CA8: variants seen among roughly 807,000 people sequenced by gnomAD.
CA8 encodes carbonic anhydrase-related protein.
A neutral mutation model predicts 41.4 loss-of-function variants in CA8; 22 were observed. That is an observed-to-expected ratio of 0.53 (90% CI 0.38 to 0.76). The LOEUF (loss-of-function observed/expected upper bound fraction) is 0.76. CA8 is among the 30% of genes least tolerant of loss of function. CA8 has a pLI of 0.00. For synonymous variants in CA8, 121 were observed against 130.6 expected (o/e 0.93, Z 0.50); for missense variants, 270 against 352.8 (o/e 0.77, Z 1.88).
chr8:60,262,838 C>T (rs186462912), intron 3 of CA8, among the ~76,000 whole-genome samples: 429 of 152,304 alleles, frequency 2.8e-3, no homozygotes, highest in African/African-American at 1.0e-2. Flanking sequence ...ATGTGTGTTT[C>T]TGAAACCTAC....
At chr8:60,245,563 G>A (rs1808199915) in intron 3 of CA8, among the ~76,000 whole-genome samples, 1 of 152,186 alleles carries the variant, frequency 6.6e-6, no homozygotes, top group Admixed American at 6.5e-5. Flanking sequence ...GCTGAGATTT[G>A]TGTAAGACTC....
chr8:60,202,496 T>C (rs1585846124), intron 8 of CA8, among the ~76,000 whole-genome samples: 1 of 152,218 alleles, frequency 6.6e-6, no homozygotes, highest in South Asian at 2.1e-4. Context: ...AAACAAATTA[T>C]TATTACTACT....
chr8:60,192,937 G>GCACACACACACA (rs377257462), intron 8 of CA8, among the ~76,000 whole-genome samples: 91 of 140,766 alleles, frequency 6.5e-4, no homozygotes, highest in East Asian at 1.3e-3. Context: ...TCAACATCAT[G>GCACACACACACA]CACACACACA....
intron 8 of CA8, among the ~76,000 whole-genome samples, chr8:60,192,877 T>C (rs1806169001): frequency 6.6e-6 from 1 of 151,808 alleles, no homozygotes; most frequent in African/African-American, 2.4e-5. Context: ...TTCAGTATTA[T>C]GTATAAATTT....
rs1419490452 is a variant in CA8 at position 60,281,296 on chromosome 8, C to G, written c.-149G>C. ...TGCGAGAGCGCCTCCGGGTGTGAAC[C>G]GCAGTGTGAGTGCAAGCAGGCGTGC... On this transcript the variant is annotated 5_prime_UTR_variant, in exon 1 of 9. Transcript: ENST00000317995. 3 of 644,990 alleles carry G rather than the reference C, an allele frequency of 4.7e-6. No individual in the cohort carries two copies. The highest frequency in any genetic ancestry group is 8.3e-6 in the Non-Finnish European group (3 of 362,792). 40.0% of individuals were successfully genotyped at this position (644,990 alleles called of 1,614,324 possible).
At chr8:60,259,949 G>A (rs1274386444) in intron 3 of CA8, among the ~76,000 whole-genome samples, 2 of 152,078 alleles carry the variant, frequency 1.3e-5, no homozygotes, top group African/African-American at 4.8e-5. Context: ...TCAAAATAAT[G>A]AGACTTTCCA....
At chr8:60,236,232 G>T (rs1807825241) in intron 3 of CA8, among the ~76,000 whole-genome samples, 1 of 152,176 alleles carries the variant, frequency 6.6e-6, no homozygotes, top group Non-Finnish European at 1.5e-5. Flanking sequence ...CAAGGGAGAA[G>T]GAATTCTGCC....
intron 3 of CA8, among the ~76,000 whole-genome samples, chr8:60,240,812 C>A (rs1364155502): frequency 6.6e-6 from 1 of 152,064 alleles, no homozygotes; most frequent in Non-Finnish European, 1.5e-5. Context: ...CCCACCCAGG[C>A]TCTGCCACAC....
intron 8 of CA8, among the ~76,000 whole-genome samples, chr8:60,193,139 TTTG>T (rs1464543728): frequency 1.3e-5 from 2 of 152,128 alleles, no homozygotes; most frequent in Admixed American, 6.6e-5. Flanking sequence ...TGCACAACAT[TTTG>T]TTTTCTCTGG....
intron 1 of CA8, 29 bp from the exon 2 acceptor site, chr8:60,279,909 C>T (rs1385955523): frequency 3.8e-6 from 6 of 1,558,868 alleles, no homozygotes; most frequent in Non-Finnish European, 5.2e-6. Flanking sequence ...AAATTAAAAA[C>T]AGGTTAAAAA....
At chr8:60,253,081 A>C (rs1808506673) in intron 3 of CA8, among the ~76,000 whole-genome samples, 2 of 152,026 alleles carry the variant, frequency 1.3e-5, no homozygotes, top group African/African-American at 4.8e-5. Flanking sequence ...AAATAAAAAA[A>C]AAAATTAGCC....
chr8:60,260,763 A>G (rs1321917004), intron 3 of CA8, among the ~76,000 whole-genome samples: 1 of 152,198 alleles, frequency 6.6e-6, no homozygotes, highest in African/African-American at 2.4e-5. Flanking sequence ...TCTAATCTTC[A>G]GAATGTTCAC....
intron 3 of CA8, among the ~76,000 whole-genome samples, chr8:60,244,362 G>A (rs543307710): frequency 1.3e-5 from 2 of 152,270 alleles, no homozygotes; most frequent in South Asian, 4.1e-4. Flanking sequence ...TGCTCATCAG[G>A]TGCTCCTATC....
chr8:60,255,553 G>C (rs1012969828), intron 3 of CA8, among the ~76,000 whole-genome samples: 4 of 152,224 alleles, frequency 2.6e-5, no homozygotes, highest in African/African-American at 9.7e-5. Context: ...AGAGGTTTAA[G>C]TGATTCATTA....
intron 3 of CA8, among the ~76,000 whole-genome samples, chr8:60,255,574 A>G (rs1808608108): frequency 6.6e-6 from 1 of 152,250 alleles, no homozygotes; most frequent in African/African-American, 2.4e-5. Flanking sequence ...AGCTGAGTTT[A>G]GAGAATTTAC....
chr8:60,238,411 A>G (rs561369067), intron 3 of CA8, among the ~76,000 whole-genome samples: 1 of 152,330 alleles, frequency 6.6e-6, no homozygotes, highest in Non-Finnish European at 1.5e-5. Context: ...ATTCTGTGAC[A>G]TCTCCTAACT....
chr8:60,234,327 G>A (rs146960439), intron 3 of CA8, among the ~76,000 whole-genome samples: 35 of 152,322 alleles, frequency 2.3e-4, no homozygotes, highest in African/African-American at 8.4e-4. Context: ...GTAATATGGT[G>A]TATGGTGCCA....
intron 7 of CA8, among the ~76,000 whole-genome samples, chr8:60,218,051 C>A (rs1381428504): frequency 6.6e-6 from 1 of 152,234 alleles, no homozygotes; most frequent in African/African-American, 2.4e-5. Flanking sequence ...TCTCCAACCC[C>A]CTCATGTCGC....
At chr8:60,193,520 T>G (rs957278785) in intron 8 of CA8, among the ~76,000 whole-genome samples, 8 of 152,188 alleles carry the variant, frequency 5.3e-5, no homozygotes, top group African/African-American at 1.9e-4. Context: ...GGCTTTGATA[T>G]CTATAAATGA....
Sources: allele counts gnomAD v4.1 joint callset (sites outside exome capture counted in the v4.1 genomes callset), GRCh38; gene constraint gnomAD v4.1.1; transcripts MANE v1.5; gene names NCBI Gene and HGNC (gene_info 2026-07-23, HGNC 2026-07-21).